The following EPC2 variants were observed in gnomAD, a reference collection of about 807,000 sequenced individuals.
EPC2 encodes the protein enhancer of polycomb 2, also known as enhancer of polycomb homolog 2.
EPC2 carries 14 observed loss-of-function variants against 92.1 expected under a neutral mutation model. The ratio of observed to expected loss-of-function variants is 0.15; its 90% CI spans 0.10 to 0.24. EPC2 has a LOEUF of 0.24. Ranked by LOEUF, EPC2 falls within the 10% of genes least tolerant of loss-of-function variation. The pLI, the probability that EPC2 is intolerant of heterozygous loss-of-function variation, is 1.00. For synonymous variants in EPC2, 340 were observed against 334.7 expected, an observed-to-expected ratio of 1.02 and a Z score of -0.17; for missense variants, 755 against 971.5, an observed-to-expected ratio of 0.78 and a Z score of 2.96.
chr2:148,710,203 C>T (rs984235085), intron 2 of EPC2, among the ~76,000 whole-genome samples: 1 of 152,190 alleles, frequency 6.6e-6, no homozygotes, highest in African/African-American at 2.4e-5. Context: ...TGAACAGACA[C>T]TTTTCAAAAG....
chr2:148,702,703 C>T (rs1681914531), intron 2 of EPC2, among the ~76,000 whole-genome samples: 2 of 152,272 alleles, frequency 1.3e-5, no homozygotes, highest in Admixed American at 6.5e-5. Context: ...TATAAGGGAC[C>T]ACACCTGTTG....
At chr2:148,667,066 T>A (rs778842342) in intron 1 of EPC2, among the ~76,000 whole-genome samples, 9 of 152,182 alleles carry the variant, frequency 5.9e-5, no homozygotes, top group Non-Finnish European at 1.0e-4. Context: ...AAATAATATG[T>A]GTAACTGAGG....
intron 4 of EPC2, among the ~76,000 whole-genome samples, chr2:148,759,742 TACAG>T (rs1269064779): frequency 2.0e-5 from 3 of 152,144 alleles, no homozygotes; most frequent in Non-Finnish European, 4.4e-5. Context: ...TGTATACACA[TACAG>T]AGAGATAAAG....
At chr2:148,724,002 C>A (rs1038800947) in intron 2 of EPC2, among the ~76,000 whole-genome samples, 1 of 151,954 alleles carries the variant, frequency 6.6e-6, no homozygotes, top group Non-Finnish European at 1.5e-5. Context: ...ACTTTAATTT[C>A]AGAAAACCCA....
intron 1 of EPC2, among the ~76,000 whole-genome samples, chr2:148,677,634 C>T (rs1034957932): frequency 2.0e-5 from 3 of 152,150 alleles, no homozygotes; most frequent in Admixed American, 6.5e-5. Context: ...AGAATGAAGC[C>T]GTGGACCCTC....
intron 2 of EPC2, among the ~76,000 whole-genome samples, chr2:148,724,738 T>A (rs1682458870): frequency 6.6e-6 from 1 of 152,108 alleles, no homozygotes; most frequent in East Asian, 1.9e-4. Flanking sequence ...TTTTGGGAGA[T>A]GTTTCTAGTG....
At chr2:148,772,867 C>T (rs1683553916) in intron 10 of EPC2, among the ~76,000 whole-genome samples, 1 of 152,082 alleles carries the variant, frequency 6.6e-6, no homozygotes, top group Non-Finnish European at 1.5e-5. Context: ...ATTTATTTAA[C>T]TAAATGGGAA....
At chr2:148,786,111 T>C (rs764862888) in intron 13 of EPC2, among the ~76,000 whole-genome samples, 194 bp from the exon 14 acceptor site, 1 of 152,180 alleles carries the variant, frequency 6.6e-6, no homozygotes, top group Non-Finnish European at 1.5e-5. Flanking sequence ...ATAAAAAAAT[T>C]AGGAATTAAT....
intron 2 of EPC2, among the ~76,000 whole-genome samples, chr2:148,729,031 C>CAAAAAAA (rs376309552): frequency 1.6e-5 from 1 of 63,662 alleles, no homozygotes; most frequent in Admixed American, 1.7e-4. Context: ...AACTCCATCT[C>CAAAAAAA]AAAAAAAAAA....
chr2:148,747,982 TATC>T (rs1683016734), intron 3 of EPC2, among the ~76,000 whole-genome samples: 1 of 152,112 alleles, frequency 6.6e-6, no homozygotes, highest in Non-Finnish European at 1.5e-5. Flanking sequence ...CCTGCTCAAA[TATC>T]ATGTGGAATT....
At chr2:148,698,408 C>T (rs938997864) in intron 2 of EPC2, among the ~76,000 whole-genome samples, 6 of 151,974 alleles carry the variant, frequency 3.9e-5, no homozygotes, top group Middle Eastern at 6.8e-3. Context: ...GAGGCTGAGG[C>T]GGGTGGATCA....
At chr2:148,685,320 T>C (rs1229733596) in intron 1 of EPC2, among the ~76,000 whole-genome samples, 2 of 152,202 alleles carry the variant, frequency 1.3e-5, no homozygotes, top group African/African-American at 2.4e-5. Context: ...CTGAAAGATA[T>C]TTCCCTTTGT....
chr2:148,706,294 A>G (rs1460939673), intron 2 of EPC2, among the ~76,000 whole-genome samples: 2 of 152,190 alleles, frequency 1.3e-5, no homozygotes, highest in Non-Finnish European at 2.9e-5. Flanking sequence ...AGAAGTTTAG[A>G]GAAAAAAGAG....
At chr2:148,677,613 C>G (rs567577796) in intron 1 of EPC2, among the ~76,000 whole-genome samples, 1 of 152,320 alleles carries the variant, frequency 6.6e-6, no homozygotes, top group African/African-American at 2.4e-5. Flanking sequence ...TTCTTGGTCT[C>G]ACTGACTTCA....
At position 148,739,051 on chromosome 2, in the gene EPC2, C is replaced by A. The variant is rs1008512918; in HGVS notation, c.314-4571C>A. ...CCACTGGAGAACATGTACCCAGAAG[C>A]TGTTGACCGGATAGGTCCTTCTCCC... On this transcript the variant is annotated intron_variant, in intron 2 of 13. Coordinates refer to ENST00000258484, the MANE Select transcript of EPC2 (RefSeq NM_015630.4). 3.3e-5 allele frequency among the ~76,000 whole-genome samples: 5 copies of A among 152,160 alleles called. No homozygotes were observed. In the East Asian group the frequency reaches 7.7e-4, roughly 23 times the overall value.
chr2:148,707,205 C>A (rs753690698), intron 2 of EPC2, among the ~76,000 whole-genome samples: 1 of 152,058 alleles, frequency 6.6e-6, no homozygotes, highest in Non-Finnish European at 1.5e-5. Context: ...ATCCTAGTCT[C>A]CGATAAAACA....
intron 10 of EPC2, among the ~76,000 whole-genome samples, chr2:148,774,624 T>TATTATATATATATATATATATATA (rs935978031): frequency 0.011 from 1,483 of 132,166 alleles, 54 homozygotes; most frequent in Admixed American, 0.041. Context: ...AAAATATATT[T>TATTATATATATATATATATATATA]TATATATATA....
intron 2 of EPC2, among the ~76,000 whole-genome samples, chr2:148,720,167 G>A (rs1682340726): frequency 6.6e-6 from 1 of 152,260 alleles, no homozygotes; most frequent in African/African-American, 2.4e-5. Flanking sequence ...GTCCCACTCA[G>A]TGAAGAGGAA....
chr2:148,727,582 A>AT (rs1174247455), intron 2 of EPC2, among the ~76,000 whole-genome samples: 1 of 152,084 alleles, frequency 6.6e-6, no homozygotes, highest in East Asian at 1.9e-4. Flanking sequence ...CTTTTTTTGT[A>AT]TATATAATGT....
Sources: gnomAD v4.1 joint callset for allele counts (sites outside exome capture counted in the v4.1 genomes callset) on GRCh38, gnomAD v4.1.1 for gene constraint, MANE v1.5 for transcripts, NCBI Gene and HGNC (gene_info 2026-07-23, HGNC 2026-07-21) for gene names.